The following NLRP11 variants were observed in gnomAD, a reference collection of about 807,000 sequenced individuals.
The protein encoded by NLRP11 is NLR family pyrin domain containing 11, also known as NACHT, LRR and PYD domains-containing protein 11.
In NLRP11, 53 loss-of-function variants were observed where a neutral mutation model predicts 79.3. The ratio of observed to expected loss-of-function variants is 0.67; its 90% CI spans 0.54 to 0.84. The LOEUF is 0.84. Among genes scored for constraint, NLRP11 ranks in the 40% least tolerant of loss-of-function variants. The probability of loss-of-function intolerance (pLI) is 0.00; values close to 1 mark genes in which losing one functional copy is unlikely to be tolerated. For missense variants in NLRP11, 1,264 were observed against 1,255.0 expected (o/e 1.01, Z -0.11); for synonymous variants, 518 against 462.6 (o/e 1.12, Z -1.54).
exon 3 of NLRP11, chr19:55,810,217 T>G: frequency 1.2e-6 from 2 of 1,614,146 alleles, no homozygotes; most frequent in Non-Finnish European, 1.7e-6. Context: ...CTAATTGAAG[T>G]ATGTAGAACA....
chr19:55,823,376 G>A (rs1334157033), intron 1 of NLRP11, among the ~76,000 whole-genome samples: 4 of 136,644 alleles, frequency 2.9e-5, no homozygotes, highest in South Asian at 4.5e-4. Context: ...CCAAAGGAAC[G>A]CAGTTCCTCC....
chr19:55,789,091 T>C, intron 8 of NLRP11, 114 bp from the exon 9 acceptor site: 1 of 1,406,270 alleles, frequency 7.1e-7, no homozygotes, highest in Non-Finnish European at 9.9e-7. Flanking sequence ...GCAAAAGAAC[T>C]GACTGTGCAA....
chr19:55,818,241 A>C lies in NLRP11; in HGVS notation c.-62-5T>G. 7.8e-7 allele frequency: 1 copy of C among 1,287,072 alleles called. No individual in the cohort carries two copies. The highest frequency in any genetic ancestry group is 1.1e-6 in the Non-Finnish European group (1 of 918,860). The allele number at this position is 1,287,072 out of a possible 1,614,324, so 79.7% of individuals were successfully genotyped here. A position where few individuals can be genotyped will look rare whatever the true frequency, so the allele number is the denominator to read the frequency against. ...GAGGCACAAGAAATATGAGATCTAAAAATAGATGTGGAATCAGACAATCAA... is the reference window on the plus strand; with the variant it reads ...GAGGCACAAGAAATATGAGATCTAACAATAGATGTGGAATCAGACAATCAA... On this transcript the variant is annotated splice_region_variant and splice_polypyrimidine_tract_variant and intron_variant, in intron 1 of 9. Coordinates refer to ENST00000589093, the Ensembl canonical transcript of NLRP11.
At chr19:55,811,356 T>G (rs1437259985) in intron 2 of NLRP11, among the ~76,000 whole-genome samples, 1 of 152,194 alleles carries the variant, frequency 6.6e-6, no homozygotes, top group African/African-American at 2.4e-5. Context: ...GGATGACTCC[T>G]TCCTTAGTGA....
rs775500691 is a variant in NLRP11 at position 55,788,988 on chromosome 19, G to T, written c.2685-11C>A. 2 of 1,613,780 alleles carry T rather than the reference G, an allele frequency of 1.2e-6. No homozygotes were observed. Among genetic ancestry groups the T allele is most frequent in the African/African-American group, 2.7e-5 (2 of 74,882 alleles). On this transcript the variant is annotated splice_polypyrimidine_tract_variant and intron_variant, in intron 8 of 9. Transcript: ENST00000589093. ...ATGCACTCTTCTAGCCTGCAACGAA[G>T]ATGCACAGGTAAGGTGGGGCCAAAT...
intron 7 of NLRP11, among the ~76,000 whole-genome samples, chr19:55,791,380 AATTTCCT>A (rs1188097142): frequency 1.3e-5 from 2 of 152,218 alleles, no homozygotes. Flanking sequence ...ATATCCCTAC[AATTTCCT>A]ATTTTACCTG....
At chr19:55,834,942 C>G (rs1010647394), upstream of NLRP11, among the ~76,000 whole-genome samples, 6 of 151,968 alleles carry the variant, frequency 3.9e-5, no homozygotes, top group Non-Finnish European at 7.4e-5. Context: ...AAAAGAAAAT[C>G]GAAGGGAATG....
rs142016235 is a variant in NLRP11 at position 55,788,461 on chromosome 19, C to G, written c.2855+346G>C. Among the ~76,000 whole-genome samples, 414 of 151,212 alleles carry G rather than the reference C, an allele frequency of 2.7e-3. 2 individuals carry two copies. The highest frequency in any genetic ancestry group is 0.01 in the Middle Eastern group (3 of 290). On this transcript the variant is annotated intron_variant, in intron 9 of 9. Transcript: ENST00000589093. The stretch of plus-strand genomic sequence containing the variant: ...CAACACAGAATTTTCCCCATCACAG[C>G]CAGGCGCGGTGGCTCACGCCTATAA...
At chr19:55,824,122 G>A (rs1416219441) in intron 1 of NLRP11, among the ~76,000 whole-genome samples, 1 of 121,710 alleles carries the variant, frequency 8.2e-6, no homozygotes, top group African/African-American at 3.9e-5. Context: ...CATTCTTAAA[G>A]AAAAGAATTT....
chr19:55,800,759 C>T (rs1439596005), intron 5 of NLRP11, among the ~76,000 whole-genome samples: 4 of 151,988 alleles, frequency 2.6e-5, no homozygotes, highest in South Asian at 2.1e-4. Flanking sequence ...GCCCGAGCGG[C>T]GATGTTCTCT....
exon 3 of NLRP11, chr19:55,810,116 A>G: frequency 6.2e-7 from 1 of 1,614,210 alleles, no homozygotes; most frequent in South Asian, 1.1e-5. Context: ...CAACACAGCC[A>G]GATTTATAAC....
intron 6 of NLRP11, 72 bp from the exon 7 acceptor site, chr19:55,792,543 C>A (rs1201876335): frequency 7.9e-7 from 1 of 1,267,068 alleles, no homozygotes; most frequent in Non-Finnish European, 1.1e-6. Context: ...CCACCCACCC[C>A]ACGCCCACGG....
chr19:55,835,363 G>A (rs983981407), upstream of NLRP11, among the ~76,000 whole-genome samples: 8 of 152,248 alleles, frequency 5.3e-5, no homozygotes, highest in South Asian at 2.1e-4. Context: ...AAAACTTAGC[G>A]CCTGTTCTGC....
At position 55,816,990 on chromosome 19, in the gene NLRP11, A is replaced by C. The variant is rs140819714; in HGVS notation, c.271+914T>G. Among the ~76,000 whole-genome samples, 564 of 152,322 alleles carry C rather than the reference A, an allele frequency of 3.7e-3. 6 individuals carry two copies. Among genetic ancestry groups the C allele is most frequent in the Middle Eastern group, 0.02 (6 of 294 alleles). On this transcript the variant is annotated intron_variant, in intron 2 of 9. Transcript: ENST00000589093. ...CACCAAGCTAAACAATTCCATCAAC[A>C]AGTGGACTAAGGACACAAATAGATG...
chr19:55,812,281 G>C (rs1013649447), intron 2 of NLRP11, among the ~76,000 whole-genome samples: 2 of 152,098 alleles, frequency 1.3e-5, no homozygotes, highest in African/African-American at 4.8e-5. Flanking sequence ...TATACACTAT[G>C]CAAAACAAAG....
upstream of NLRP11, among the ~76,000 whole-genome samples, chr19:55,833,369 C>T (rs1389105265): frequency 6.6e-6 from 1 of 151,612 alleles, no homozygotes; most frequent in Non-Finnish European, 1.5e-5. Flanking sequence ...GGGACTAGTA[C>T]AAGCCAAGAG....
exon 8 of NLRP11, chr19:55,789,374 C>T (rs142033132): frequency 6.2e-6 from 10 of 1,613,666 alleles, no homozygotes; most frequent in Middle Eastern, 1.7e-4. Context: ...TGACAGATAT[C>T]GCTGCTAAAG....
chr19:55,808,033 G>C lies in NLRP11; in HGVS notation c.1842-19C>G. ...CATTTGACTACATAGAAGAAAAATT[G>C]AGTTTTCCAATGGAATCGATTCAAC... On this transcript the variant is annotated intron_variant, in intron 3 of 9. Coordinates refer to ENST00000589093, the Ensembl canonical transcript of NLRP11. 1.3e-6 allele frequency: 2 copies of C among 1,554,712 alleles called. No individual in the cohort carries two copies. Among genetic ancestry groups the C allele is most frequent in the South Asian group, 2.4e-5 (2 of 83,912 alleles).
intron 4 of NLRP11, among the ~76,000 whole-genome samples, chr19:55,804,680 C>G (rs1979813134): frequency 1.3e-5 from 2 of 152,080 alleles, no homozygotes; most frequent in African/African-American, 4.8e-5. Context: ...GTCTTATAGT[C>G]TATATACAAA....
Sources: gnomAD v4.1 joint callset for allele counts (sites outside exome capture counted in the v4.1 genomes callset) on GRCh38, gnomAD v4.1.1 for gene constraint, MANE v1.5 for transcripts, NCBI Gene and HGNC (gene_info 2026-07-23, HGNC 2026-07-21) for gene names.